Variants in ADK observed in about 807,000 individuals in gnomAD.
ADK encodes the protein N6,N6-dimethyladenosine kinase.
Under a neutral mutation model 44.7 loss-of-function variants are expected in ADK, and 24 were observed. The observed-to-expected ratio is 0.54, with a 90% CI of 0.39 to 0.76. The LOEUF is 0.76. Among genes scored for constraint, ADK ranks in the 30% least tolerant of loss-of-function variants. The pLI is 0.00. For missense variants in ADK, 321 were observed against 425.1 expected, an observed-to-expected ratio of 0.76 and a Z score of 2.15; for synonymous variants, 128 against 142.6, an observed-to-expected ratio of 0.90 and a Z score of 0.73.
At chr10:74,458,300 T>TG in intron 6 of ADK, among the ~76,000 whole-genome samples, 2 of 90,744 alleles carry the variant, frequency 2.2e-5, no homozygotes, top group Non-Finnish European at 2.4e-5. Flanking sequence ...CCAGGTTTTG[T>TG]TTTTTTTTTT....
chr10:74,374,493 G>GGTT (rs1842761137), intron 4 of ADK, among the ~76,000 whole-genome samples: 2 of 152,114 alleles, frequency 1.3e-5, no homozygotes, highest in East Asian at 3.9e-4. Context: ...TTTAAGCATT[G>GGTT]GGAACCTCAC....
intron 6 of ADK, among the ~76,000 whole-genome samples, chr10:74,454,007 A>G (rs1390556273): frequency 6.6e-6 from 1 of 152,158 alleles, no homozygotes; most frequent in Non-Finnish European, 1.5e-5. Flanking sequence ...CGTAGCTAAC[A>G]GATGTCCATG....
At chr10:74,313,055 C>T (rs938721965) in intron 3 of ADK, among the ~76,000 whole-genome samples, 1 of 151,488 alleles carries the variant, frequency 6.6e-6, no homozygotes, top group Non-Finnish European at 1.5e-5. Flanking sequence ...GAATGTAGTG[C>T]ACTTACACTG....
intron 9 of ADK, among the ~76,000 whole-genome samples, chr10:74,645,338 C>T (rs1382361855): frequency 6.6e-6 from 1 of 152,176 alleles, no homozygotes; most frequent in Non-Finnish European, 1.5e-5. Flanking sequence ...ATTTCATTTT[C>T]ATGCATCAGA....
chr10:74,670,349 C>A, intron 10 of ADK, 80 bp downstream of exon 10: 1 of 1,029,818 alleles, frequency 9.7e-7, no homozygotes, highest in Non-Finnish European at 1.5e-6. Context: ...AAGATTTATT[C>A]ATTTAGTAAC....
intron 3 of ADK, among the ~76,000 whole-genome samples, chr10:74,266,873 A>G (rs997894900): frequency 6.6e-6 from 1 of 152,242 alleles, no homozygotes; most frequent in Non-Finnish European, 1.5e-5. Context: ...TGGTGTTTTA[A>G]TAAGCTTTAG....
At chr10:74,222,719 G>C (rs1458186405) in intron 2 of ADK, among the ~76,000 whole-genome samples, 1 of 152,122 alleles carries the variant, frequency 6.6e-6, no homozygotes, top group Non-Finnish European at 1.5e-5. Context: ...TAGGGACATG[G>C]ATGAAATTGG....
At position 74,287,812 on chromosome 10, in the gene ADK, A is replaced by G. The variant is rs975146101; in HGVS notation, c.195-26855A>G. The stretch of plus-strand genomic sequence containing the variant: ...CAAGACCAGCCTGGGCAACATGATG[A>G]AACTCCATCTCTACAAAAAATTAGC... On this transcript the variant is annotated intron_variant, in intron 3 of 10. Transcript: ENST00000539909. Among the ~76,000 whole-genome samples the G allele has an allele frequency of 2.0e-5, 3 of 151,836 alleles. No individual in the cohort carries two copies. The South Asian group carries it at 6.2e-4, about 32-fold the overall frequency.
intron 9 of ADK, among the ~76,000 whole-genome samples, chr10:74,608,259 A>C (rs1852410241): frequency 1.3e-5 from 2 of 151,894 alleles, no homozygotes; most frequent in African/African-American, 4.8e-5. Context: ...TTCTCTGTGC[A>C]GTTTTGTTCC....
intron 7 of ADK, among the ~76,000 whole-genome samples, chr10:74,542,210 C>T (rs1291747165): frequency 6.6e-6 from 1 of 152,176 alleles, no homozygotes; most frequent in Non-Finnish European, 1.5e-5. Context: ...CCCTCAAACA[C>T]GAGATGACTG....
Position 74,600,380 on chromosome 10 carries a change from C to A in ADK, c.764C>A (p.Thr255Asn). The change falls in exon 9 of 11, where the codon ACT (threonine) becomes AAT (asparagine). Residue 255 changes from threonine to asparagine, a missense_variant and splice_region_variant. Coordinates refer to ENST00000539909, the MANE Select transcript of ADK (RefSeq NM_006721.4). ...TTTTTTCCTTCCTTCTATTAATAGA[C>A]TAAAGACATTAAAGAGATAGCCAAA... ...ATFAREQGFE[T>N]KDIKEIAKKT... 6.2e-7 allele frequency: 1 copy of A among 1,603,138 alleles called. No homozygotes were observed. The highest frequency in any genetic ancestry group is 8.5e-7 in the Non-Finnish European group (1 of 1,172,750).
chr10:74,597,876 A>T (rs10824208), intron 8 of ADK, among the ~76,000 whole-genome samples: 13,791 of 152,256 alleles, frequency 0.091, 778 homozygotes, highest in Middle Eastern at 0.16. Flanking sequence ...TAGCATCACT[A>T]AACTAATCTA....
intron 3 of ADK, among the ~76,000 whole-genome samples, chr10:74,255,524 A>G (rs2132351112): frequency 6.6e-6 from 1 of 152,288 alleles, no homozygotes; most frequent in East Asian, 1.9e-4. Context: ...TGGGGGCATA[A>G]TTTGACAGTC....
intron 6 of ADK, among the ~76,000 whole-genome samples, chr10:74,474,855 C>T (rs556311532): frequency 1.8e-4 from 27 of 152,236 alleles, no homozygotes; most frequent in African/African-American, 6.0e-4. Context: ...CTGCCTGGTG[C>T]GGAGGCTCAC....
chr10:74,503,902 A>G (rs1482131656), intron 6 of ADK, among the ~76,000 whole-genome samples: 2 of 152,170 alleles, frequency 1.3e-5, no homozygotes, highest in South Asian at 2.1e-4. Flanking sequence ...GTCAGGGTCC[A>G]TCTCTTTATA....
intron 7 of ADK, among the ~76,000 whole-genome samples, chr10:74,544,278 T>G (rs531506860): frequency 4.6e-5 from 7 of 152,340 alleles, no homozygotes; most frequent in Admixed American, 4.6e-4. Flanking sequence ...AATCACAAAG[T>G]TGGACTTTCT....
intron 2 of ADK, among the ~76,000 whole-genome samples, chr10:74,213,580 A>G (rs995831024): frequency 6.6e-6 from 1 of 152,252 alleles, no homozygotes; most frequent in Non-Finnish European, 1.5e-5. Flanking sequence ...AGAACATTTA[A>G]TAGATGGATA....
At chr10:74,171,919 C>T (rs569922354) in intron 1 of ADK, among the ~76,000 whole-genome samples, 1 of 151,862 alleles carries the variant, frequency 6.6e-6, no homozygotes, top group African/African-American at 2.4e-5. Flanking sequence ...CTGTGAATAA[C>T]AGAACTTCTG....
chr10:74,224,822 A>G (rs1449852773), intron 3 of ADK, among the ~76,000 whole-genome samples: 2 of 152,236 alleles, frequency 1.3e-5, no homozygotes, highest in Non-Finnish European at 2.9e-5. Context: ...GTTGTATTCC[A>G]TCATCTAGAC....
Sources: allele counts gnomAD v4.1 joint callset (sites outside exome capture counted in the v4.1 genomes callset), GRCh38; gene constraint gnomAD v4.1.1; transcripts MANE v1.5; gene names NCBI Gene and HGNC (gene_info 2026-07-23, HGNC 2026-07-21).